The following ARHGAP44 variants were observed in gnomAD, a reference collection of about 807,000 sequenced individuals.
The protein encoded by ARHGAP44 is Rho GTPase activating protein 44.
Under a neutral mutation model 106.8 loss-of-function variants are expected in ARHGAP44, and 43 were observed. That is an observed-to-expected ratio of 0.40 (90% CI 0.32 to 0.52). The LOEUF (loss-of-function observed/expected upper bound fraction) is 0.52. Among genes scored for constraint, ARHGAP44 ranks in the 20% least tolerant of loss-of-function variants. The pLI is 0.48. For missense variants in ARHGAP44, 866 were observed against 1,050.5 expected (o/e 0.82, Z 2.43); for synonymous variants, 439 against 410.3 (o/e 1.07, Z -0.85).
In ARHGAP44 at chr17:12,846,621, A is replaced by G. The variant is rs532705263; in HGVS notation, c.54-48319A>G. Among the ~76,000 whole-genome samples the G allele has an allele frequency of 1.3e-5, 2 of 152,376 alleles. 1 individual carries two copies. The highest frequency in any genetic ancestry group is 1.3e-4 in the Admixed American group (2 of 15,312). On this transcript the variant is annotated intron_variant, in intron 1 of 20. Coordinates refer to ENST00000379672, the MANE Select transcript of ARHGAP44 (RefSeq NM_014859.6). ...ATTTGAGACTAGATAAACATCTGTC[A>G]AAGAAGTAGGAATGAAAATTACTTT...
intron 9 of ARHGAP44, 51 bp downstream of exon 9, chr17:12,943,720 T>C (rs2038766392): frequency 6.4e-7 from 1 of 1,561,748 alleles, no homozygotes; most frequent in South Asian, 1.1e-5. Context: ...CCTGCTTGCC[T>C]TCCCGGATGA....
intron 1 of ARHGAP44, among the ~76,000 whole-genome samples, chr17:12,859,061 T>G (rs2035991351): frequency 6.6e-6 from 1 of 152,052 alleles, no homozygotes; most frequent in Admixed American, 6.6e-5. Flanking sequence ...CAATTCAAGA[T>G]GAGATTTGGG....
At chr17:12,913,968 C>CAA (rs58231055) in intron 4 of ARHGAP44, among the ~76,000 whole-genome samples, 3,217 of 63,220 alleles carry the variant, frequency 0.051, 209 homozygotes, top group Admixed American at 0.084. Context: ...GATTTTGTCT[C>CAA]AAAAAAAAAA....
chr17:12,929,132 A>C (rs2038329748), intron 7 of ARHGAP44, 86 bp downstream of exon 7: 5 of 1,255,732 alleles, frequency 4.0e-6, no homozygotes, highest in African/African-American at 1.5e-5. Context: ...TTCTCTTAAA[A>C]CTCTGTCAGT....
At chr17:12,972,241 G>A (rs2039544274) in intron 16 of ARHGAP44, among the ~76,000 whole-genome samples, 2 of 152,168 alleles carry the variant, frequency 1.3e-5, no homozygotes, top group Admixed American at 1.3e-4. Context: ...CTAGAAATGT[G>A]AGCCCTTACC....
chr17:12,942,731 T>A (rs576499569), intron 8 of ARHGAP44, among the ~76,000 whole-genome samples: 4 of 152,234 alleles, frequency 2.6e-5, no homozygotes, highest in African/African-American at 4.8e-5. Flanking sequence ...CTGTTTTCCT[T>A]ATACATGCCC....
chr17:12,963,891 T>A (rs574701737), intron 16 of ARHGAP44, among the ~76,000 whole-genome samples: 7 of 152,306 alleles, frequency 4.6e-5, no homozygotes, highest in Admixed American at 3.3e-4. Flanking sequence ...CTGGGATAAG[T>A]ATGTGATTCT....
rs556829680 is a variant in ARHGAP44 at position 12,916,887 on chromosome 17, A to G, written c.387+876A>G. Among the ~76,000 whole-genome samples the G allele has an allele frequency of 2.6e-5, 4 of 152,366 alleles. No homozygotes were observed. The East Asian group carries it at 7.7e-4, about 29-fold the overall frequency. On this transcript the variant is annotated intron_variant, in intron 5 of 20. Coordinates refer to ENST00000379672, the MANE Select transcript of ARHGAP44 (RefSeq NM_014859.6). ...GTTGTTTTTAATTCGTCATCTGTTAATAGATTGAGCATCTCAAACCTGAAA... is the reference window on the plus strand; with the variant it reads ...GTTGTTTTTAATTCGTCATCTGTTAGTAGATTGAGCATCTCAAACCTGAAA...
chr17:12,843,489 C>T (rs951726548), intron 1 of ARHGAP44, among the ~76,000 whole-genome samples: 12 of 152,058 alleles, frequency 7.9e-5, no homozygotes, highest in African/African-American at 2.4e-4. Context: ...TTTGGCACCT[C>T]GTTCATCTTT....
chr17:12,912,121 T>G (rs954185229), intron 4 of ARHGAP44, among the ~76,000 whole-genome samples: 2 of 152,182 alleles, frequency 1.3e-5, no homozygotes, highest in Non-Finnish European at 2.9e-5. Context: ...CAATGCAGCT[T>G]GGAAGAAACA....
intron 18 of ARHGAP44, among the ~76,000 whole-genome samples, chr17:12,977,899 G>A (rs1182782162): frequency 6.6e-6 from 1 of 152,020 alleles, no homozygotes; most frequent in African/African-American, 2.4e-5. Context: ...TTAGCTGGGT[G>A]TGGTGGCACA....
chr17:12,802,967 ATATTTTT>A (rs2034160724), intron 1 of ARHGAP44, among the ~76,000 whole-genome samples: 3 of 31,668 alleles, frequency 9.5e-5, no homozygotes, highest in East Asian at 1.1e-3. Flanking sequence ...ATATATATAT[ATATTTTT>A]TTTTTTTTTT....
chr17:12,911,586 G>A (rs1469941569), intron 4 of ARHGAP44, among the ~76,000 whole-genome samples: 1 of 152,150 alleles, frequency 6.6e-6, no homozygotes. Context: ...TTAAACTCAC[G>A]AATGTGGTTG....
intron 16 of ARHGAP44, among the ~76,000 whole-genome samples, chr17:12,960,575 AAAAG>A (rs1179095585): frequency 2.0e-5 from 3 of 151,866 alleles, no homozygotes; most frequent in Admixed American, 6.6e-5. Context: ...CAAAGAAAAA[AAAAG>A]AAAGAGAGTC....
intron 1 of ARHGAP44, among the ~76,000 whole-genome samples, chr17:12,851,842 G>T (rs369682769): frequency 7.9e-5 from 12 of 151,988 alleles, no homozygotes; most frequent in African/African-American, 1.9e-4. Context: ...TCATCTCATC[G>T]GCCCAAAATA....
intron 1 of ARHGAP44, among the ~76,000 whole-genome samples, chr17:12,845,334 C>T (rs2035533285): frequency 1.3e-5 from 2 of 151,836 alleles, no homozygotes; most frequent in South Asian, 2.1e-4. Flanking sequence ...ATGGTGAAAC[C>T]CCATCTCTAC....
At chr17:12,793,657 A>G (rs1318328917) in intron 1 of ARHGAP44, among the ~76,000 whole-genome samples, 1 of 152,186 alleles carries the variant, frequency 6.6e-6, no homozygotes, top group East Asian at 1.9e-4. Flanking sequence ...GCAGTGAGCC[A>G]AGCTTGCACC....
rs2037899462 is a variant in ARHGAP44 at position 12,916,016 on chromosome 17, G to C, written c.387+5G>C. 6.2e-7 allele frequency: 1 copy of C among 1,613,120 alleles called. No individual in the cohort carries two copies. The highest frequency in any genetic ancestry group is 1.7e-5 in the Admixed American group (1 of 59,968). The stretch of plus-strand genomic sequence containing the variant: ...CCCCTGTTTTTGCTGGCGGAGGTAA[G>C]CAGCAGGAGTGAGGCCAGGCCTGAA... On this transcript the variant is annotated splice_donor_5th_base_variant and intron_variant, in intron 5 of 20. Coordinates refer to ENST00000379672, the MANE Select transcript of ARHGAP44 (RefSeq NM_014859.6).
Position 12,974,238 on chromosome 17 carries a change from C to A in ARHGAP44, c.1691C>A (p.Pro564His). The A allele has an allele frequency of 6.5e-7, 1 of 1,536,856 alleles. No homozygotes were observed. Among genetic ancestry groups the A allele is most frequent in the Non-Finnish European group, 8.8e-7 (1 of 1,141,806 alleles). The change falls in exon 18 of 21, where the codon CCC (proline) becomes CAC (histidine). Residue 564 changes from proline (P) to histidine (H), a missense_variant. Pro to His is a moderately conservative substitution (Grantham distance 77). Coordinates refer to ENST00000379672, the MANE Select transcript of ARHGAP44 (RefSeq NM_014859.6). ...CTGCCTTCGCCGCTGCCGGAGCAGC[C>A]CCTGGACAGCCCCGCGGCCCCCGCG... ...APLPSPLPEQ[P>H]LDSPAAPALS...
Sources: allele counts gnomAD v4.1 joint callset (sites outside exome capture counted in the v4.1 genomes callset), GRCh38; gene constraint gnomAD v4.1.1; transcripts MANE v1.5; gene names NCBI Gene and HGNC (gene_info 2026-07-23, HGNC 2026-07-21).